MBD2: variants seen among roughly 807,000 people sequenced by gnomAD.
MBD2 encodes methyl-CpG-binding domain protein 2.
In MBD2, 9 loss-of-function variants were observed where a neutral mutation model predicts 39.3. The observed-to-expected ratio is 0.23, with a 90% confidence interval of 0.14 to 0.40. MBD2 has a LOEUF of 0.40. Ranked by LOEUF, MBD2 falls within the 10% of genes least tolerant of loss-of-function variation. MBD2 has a pLI of 1.00. For missense variants in MBD2, 458 were observed against 532.6 expected, an observed-to-expected ratio of 0.86 and a Z score of 1.38; for synonymous variants, 233 against 211.1, an observed-to-expected ratio of 1.10 and a Z score of -0.90.
chr18:54,174,021 T>G (rs8094493), intron 3 of MBD2, among the ~76,000 whole-genome samples: 66,634 of 151,926 alleles, frequency 0.44, 15,189 homozygotes, highest in African/African-American at 0.54. Flanking sequence ...GAACACAGAC[T>G]ATATTTCTAT....
chr18:54,156,935 T>C lies in MBD2; in HGVS notation c.*13-1624A>G, dbSNP rs2086056032. Among the ~76,000 whole-genome samples, 8 of 152,138 alleles carry C rather than the reference T, an allele frequency of 5.3e-5. 1 individual carries two copies. The South Asian group carries it at 1.5e-3, about 28-fold the overall frequency. On this transcript the variant is annotated intron_variant, in intron 6 of 6. Coordinates refer to ENST00000256429, the MANE Select transcript of MBD2 (RefSeq NM_003927.5). ...CCCTTGATTATCTGAAATGATTTCATGAGAAAAGTCTAGAAAAAAACCAAA... is the reference window on the plus strand; with the variant it reads ...CCCTTGATTATCTGAAATGATTTCACGAGAAAAGTCTAGAAAAAAACCAAA...
intron 1 of MBD2, among the ~76,000 whole-genome samples, chr18:54,213,969 G>C (rs953096838): frequency 1.3e-5 from 2 of 148,942 alleles, no homozygotes; most frequent in Admixed American, 1.3e-4. Flanking sequence ...AAGCTACTAT[G>C]TCAAAATTAG....
intron 3 of MBD2, among the ~76,000 whole-genome samples, chr18:54,169,417 G>A (rs1294492422): frequency 1.3e-5 from 2 of 150,994 alleles, no homozygotes; most frequent in East Asian, 1.9e-4. Flanking sequence ...GTGCTTCAGA[G>A]GGAGCAGGGA....
intron 2 of MBD2, among the ~76,000 whole-genome samples, chr18:54,195,650 T>C (rs1439804662): frequency 6.6e-6 from 1 of 152,090 alleles, no homozygotes; most frequent in Non-Finnish European, 1.5e-5. Context: ...CAGTTGATCA[T>C]TGAACAAAAC....
At position 54,195,286 on chromosome 18, in the gene MBD2, C is replaced by T. The variant is rs148978488; in HGVS notation, c.703-6275G>A. Among the ~76,000 whole-genome samples the T allele has an allele frequency of 7.0e-3, 1,064 of 152,072 alleles. 7 individuals carry two copies. Among genetic ancestry groups the T allele is most frequent in the Middle Eastern group, 0.014 (4 of 294 alleles). ...TATGACAGTTCAAATTGTACATATT[C>T]TAGGGTCCAAGCCTAGTAGACTCAT... On this transcript the variant is annotated intron_variant, in intron 2 of 6. Transcript: ENST00000256429.
chr18:54,211,251 C>A (rs1256446274), intron 1 of MBD2, among the ~76,000 whole-genome samples: 1 of 151,992 alleles, frequency 6.6e-6, no homozygotes, highest in African/African-American at 2.4e-5. Flanking sequence ...GAAACATTTC[C>A]CTAACTTTAA....
At position 54,224,403 on chromosome 18, in the gene MBD2, CT is replaced by C; in HGVS notation, c.156del (p.Gly53AlafsTer112). The C allele has an allele frequency of 8.0e-7, 1 of 1,247,454 alleles. No individual in the cohort carries two copies. The highest frequency in any genetic ancestry group is 3.0e-5 in the South Asian group (1 of 33,340). 77.3% of individuals were successfully genotyped at this position (1,247,454 alleles called of 1,614,324 possible). A position where few individuals can be genotyped will look rare whatever the true frequency, so the allele number is the denominator to read the frequency against. The part of the protein sequence containing the change: ...APSPVSGVRR[E>X]GARGGGRGRG... The stretch of plus-strand genomic sequence containing the variant: ...CGGCCACGGCCGCCGCCCCGAGCGC[CT>C]TCCCTGCGCACGCCGCTCACCGGGG... On this transcript the variant is annotated frameshift_variant, in exon 1 of 7. Transcript: ENST00000256429. LOFTEE classifies it high-confidence loss of function.
intron 1 of MBD2, among the ~76,000 whole-genome samples, chr18:54,223,768 T>C (rs891793176): frequency 6.6e-6 from 1 of 152,166 alleles, no homozygotes; most frequent in African/African-American, 2.4e-5. Context: ...GGCTAACCCT[T>C]TCTTCGCAAA....
At chr18:54,180,903 C>CTTTTTTTTTTT (rs1189903798) in intron 3 of MBD2, among the ~76,000 whole-genome samples, 3 of 49,874 alleles carry the variant, frequency 6.0e-5, no homozygotes, top group African/African-American at 1.2e-4. Context: ...TTTTCTTTTT[C>CTTTTTTTTTTT]TTTTTTTTTT....
chr18:54,205,205 C>T (rs758831211), intron 1 of MBD2, 48 bp from the exon 2 acceptor site: 6 of 1,531,580 alleles, frequency 3.9e-6, no homozygotes, highest in Admixed American at 1.9e-5. Flanking sequence ...ATATTCTCCA[C>T]ATAAGCCTTT....
Position 54,164,654 on chromosome 18 carries a change from G to T in MBD2, c.978C>A (p.Ala326=), listed in dbSNP as rs760889540. Reference sequence around the variant, plus strand: ...GCGCAGAGCTTGTGTGCAAAGCACTGGCAACAGCAGATAAAAGGGTCTCAT... The same window carrying T: ...GCGCAGAGCTTGTGTGCAAAGCACTTGCAACAGCAGATAAAAGGGTCTCAT... The part of the protein sequence containing the change: ...SNDETLLSAV[A]SALHTSSAPI... Residue 326 remains alanine (A), a synonymous_variant, in exon 5 of 7, where the codon GCC becomes GCA. Transcript: ENST00000256429. 8.1e-6 allele frequency: 13 copies of T among 1,613,696 alleles called. No homozygotes were observed. Among genetic ancestry groups the T allele is most frequent in the Non-Finnish European group, 1.0e-5 (12 of 1,179,678 alleles).
At chr18:54,203,157 A>G in intron 2 of MBD2, 1 of 1,602,800 alleles carries the variant, frequency 6.2e-7, no homozygotes, top group Non-Finnish European at 8.5e-7. Context: ...TTGGTTTTTG[A>G]TGAAACATAA....
intron 6 of MBD2, among the ~76,000 whole-genome samples, chr18:54,157,723 T>C (rs1246772510): frequency 6.6e-6 from 1 of 152,134 alleles, no homozygotes; most frequent in Non-Finnish European, 1.5e-5. Context: ...ACAATTCAAC[T>C]CACCCTCCCT....
At chr18:54,221,549 G>A (rs1490686934) in intron 1 of MBD2, among the ~76,000 whole-genome samples, 1 of 151,964 alleles carries the variant, frequency 6.6e-6, no homozygotes, top group Non-Finnish European at 1.5e-5. Flanking sequence ...GGCCGAGGCA[G>A]GTGGATCACA....
At chr18:54,177,368 C>A (rs931136429) in intron 3 of MBD2, among the ~76,000 whole-genome samples, 5 of 152,202 alleles carry the variant, frequency 3.3e-5, no homozygotes, top group African/African-American at 7.2e-5. Flanking sequence ...TCAAAACCCA[C>A]TCGACTGCAG....
At chr18:54,168,646 TG>T (rs2086155934) in intron 3 of MBD2, among the ~76,000 whole-genome samples, 2 of 147,592 alleles carry the variant, frequency 1.4e-5, no homozygotes, top group South Asian at 2.1e-4. Context: ...TGTGTGTGTG[TG>T]TGTGTGTGTG....
intron 3 of MBD2, chr18:54,187,944 G>C: frequency 1.4e-6 from 1 of 695,906 alleles, no homozygotes; most frequent in Non-Finnish European, 1.8e-6. Flanking sequence ...ATGAAGTCTG[G>C]AGATGAGACA....
chr18:54,176,720 G>C (rs2086214767), intron 3 of MBD2, among the ~76,000 whole-genome samples: 1 of 152,114 alleles, frequency 6.6e-6, no homozygotes, highest in South Asian at 2.1e-4. Flanking sequence ...AAATACCATG[G>C]CCTGCAAACA....
chr18:54,211,788 T>C (rs903560513), intron 1 of MBD2, among the ~76,000 whole-genome samples: 4 of 152,188 alleles, frequency 2.6e-5, no homozygotes, highest in Non-Finnish European at 5.9e-5. Context: ...CAGCTTTCAG[T>C]GGACTTTTAC....
Sources: allele counts gnomAD v4.1 joint callset (sites outside exome capture counted in the v4.1 genomes callset), GRCh38; gene constraint gnomAD v4.1.1; transcripts MANE v1.5; gene names NCBI Gene and HGNC (gene_info 2026-07-23, HGNC 2026-07-21).